CENPL: variants seen among roughly 807,000 people sequenced by gnomAD.
CENPL encodes centromere protein L.
CENPL carries 20 observed loss-of-function variants against 35.2 expected under a neutral mutation model. The ratio of observed to expected loss-of-function variants is 0.57; its 90% CI spans 0.40 to 0.83. The LOEUF (loss-of-function observed/expected upper bound fraction) is 0.83, where lower values mean the gene tolerates loss of function less well. CENPL is among the 40% of genes least tolerant of loss of function. The pLI is 0.00. For missense variants in CENPL, 363 were observed against 395.8 expected (o/e 0.92, Z 0.70); for synonymous variants, 140 against 140.6 (o/e 1.00, Z 0.03).
At chr1:173,801,913 C>T (rs1411508912) in intron 5 of CENPL, among the ~76,000 whole-genome samples, 1 of 151,676 alleles carries the variant, frequency 6.6e-6, no homozygotes, top group Non-Finnish European at 1.5e-5. Context: ...GTCCCAGCTA[C>T]TCAGGAGGCT....
rs560645237 is a variant in CENPL at position 173,802,278 on chromosome 1, T to A, written c.963+685A>T. On this transcript the variant is annotated intron_variant, in intron 5 of 5. Coordinates refer to ENST00000682279, the MANE Select transcript of CENPL (RefSeq NM_001387287.1). ...TGGAGTGCAGTGGCGCGATCTCGGC[T>A]CACTACAAGCTCCGCCTCTCGGGTT... is the stretch of plus-strand genomic sequence containing the variant. 5.3e-4 allele frequency among the ~76,000 whole-genome samples: 81 copies of A among 152,084 alleles called. 1 individual carries two copies. The highest frequency in any genetic ancestry group is 1.9e-3 in the African/African-American group (79 of 41,520).
chr1:173,806,387 AC>A (rs1054334551), intron 4 of CENPL: 7 of 410,688 alleles, frequency 1.7e-5, no homozygotes, highest in Admixed American at 5.2e-5. Context: ...GGAGTTCAAG[AC>A]CAACCTGGGC....
chr1:173,800,275 T>C lies in CENPL; in HGVS notation c.*173A>G, dbSNP rs1194156881. 4.1e-6 allele frequency: 2 copies of C among 488,894 alleles called. No individual in the cohort carries two copies. The highest frequency in any genetic ancestry group is 7.5e-5 in the Admixed American group (2 of 26,838). 30.3% of individuals were successfully genotyped at this position (488,894 alleles called of 1,614,324 possible). A position where few individuals can be genotyped will look rare whatever the true frequency, so the allele number is the denominator to read the frequency against. ...TGGCTGTGGCTCATCTACTACCATA[T>C]TCTTTGTTCTTCTAGATCCTTCTTG... On this transcript the variant is annotated 3_prime_UTR_variant, in exon 6 of 6. Transcript: ENST00000682279.
At position 173,806,580 on chromosome 1, in the gene CENPL, T is replaced by C. The variant is rs185035344; in HGVS notation, c.420+687A>G. 7 of 298,066 alleles carry C rather than the reference T, an allele frequency of 2.3e-5. No individual in the cohort carries two copies. In the Admixed American group the frequency reaches 3.2e-4, roughly 14 times the overall value. The allele number at this position is 298,066 out of a possible 1,614,324, so 18.5% of individuals were successfully genotyped here. ...GCCTGGGTGACAAAATGAGACCCTGTCTCAAAAAAATAAAATAAAATAAAA... is the reference window on the plus strand; with the variant it reads ...GCCTGGGTGACAAAATGAGACCCTGCCTCAAAAAAATAAAATAAAATAAAA... On this transcript the variant is annotated intron_variant, in intron 4 of 5. Transcript: ENST00000682279.
chr1:173,804,330 T>TC (rs904783919), intron 4 of CENPL, among the ~76,000 whole-genome samples: 4 of 152,256 alleles, frequency 2.6e-5, no homozygotes, highest in Non-Finnish European at 5.9e-5. Context: ...TATTTGATGG[T>TC]CCCCATCATA....
At chr1:173,820,240 G>C (rs145512399) in intron 2 of CENPL, among the ~76,000 whole-genome samples, 300 of 152,116 alleles carry the variant, frequency 2.0e-3, no homozygotes, top group Non-Finnish European at 3.4e-3. Flanking sequence ...TCAGACTTCA[G>C]ATTTAACCTG....
intron 3 of CENPL, among the ~76,000 whole-genome samples, chr1:173,810,345 C>T (rs987449235): frequency 2.0e-5 from 3 of 151,900 alleles, no homozygotes; most frequent in African/African-American, 4.8e-5. Context: ...GAACAACACA[C>T]GCTTAGGCCT....
At position 173,799,557 on chromosome 1, in the gene CENPL, T is replaced by A. The variant is rs1273007451; in HGVS notation, c.*891A>T. The A allele has an allele frequency of 6.6e-6, 1 of 152,236 alleles. No individual in the cohort carries two copies. Among genetic ancestry groups the A allele is most frequent in the Non-Finnish European group, 1.5e-5 (1 of 68,038 alleles). 9.4% of individuals were successfully genotyped at this position (152,236 alleles called of 1,614,324 possible). A position where few individuals can be genotyped will look rare whatever the true frequency, so the allele number is the denominator to read the frequency against. On this transcript the variant is annotated 3_prime_UTR_variant, in exon 6 of 6. Coordinates refer to ENST00000682279, the MANE Select transcript of CENPL (RefSeq NM_001387287.1). The stretch of plus-strand genomic sequence containing the variant: ...CATTGATAAACACATTGCTTCATTT[T>A]AAAATAAACATTTAATTCAACATTG...
intron 4 of CENPL, chr1:173,806,395 G>A (rs1200178646): frequency 4.7e-6 from 2 of 421,342 alleles, no homozygotes; most frequent in Non-Finnish European, 9.5e-6. Flanking sequence ...AGACCAACCT[G>A]GGCAACATGG....
At chr1:173,803,582 A>G (rs1649953871) in intron 4 of CENPL, 77 bp from the exon 5 acceptor site, 1 of 1,340,206 alleles carries the variant, frequency 7.5e-7, no homozygotes, top group Non-Finnish European at 1.0e-6. Context: ...AAATTAGTTC[A>G]TTAAAAATAA....
At chr1:173,805,427 A>G (rs1256992205) in intron 4 of CENPL, among the ~76,000 whole-genome samples, 1 of 151,520 alleles carries the variant, frequency 6.6e-6, no homozygotes, top group African/African-American at 2.4e-5. Flanking sequence ...AGGAGGGAGG[A>G]CTACTTGAAC....
intron 2 of CENPL, among the ~76,000 whole-genome samples, chr1:173,819,419 C>T (rs756522897): frequency 8.6e-5 from 13 of 151,780 alleles, no homozygotes; most frequent in East Asian, 1.9e-4. Context: ...GGTGAAACTC[C>T]GTCTCTACTA....
chr1:173,803,362 T>C lies in CENPL; in HGVS notation c.564A>G (p.Gly188=). ...CAATTATTGCTGTGTTAGACTCTGC[T>C]CCATTTGCAAGGAATAAGGGCAGAC... ...FTCLPLFLAN[G]AESNTAIIGT... is the part of the protein sequence containing the mutation. The change falls in exon 5 of 6, where the codon GGA becomes GGG. Residue 188 remains glycine, a synonymous_variant. Transcript: ENST00000682279. 1 of 1,614,040 alleles carries C rather than the reference T, an allele frequency of 6.2e-7. No homozygotes were observed. The highest frequency in any genetic ancestry group is 8.5e-7 in the Non-Finnish European group (1 of 1,179,918).
At chr1:173,818,937 A>G (rs1197212697) in intron 2 of CENPL, among the ~76,000 whole-genome samples, 1 of 152,236 alleles carries the variant, frequency 6.6e-6, no homozygotes, top group Non-Finnish European at 1.5e-5. Context: ...AGTATTTCAT[A>G]GAACTTCCAA....
intron 3 of CENPL, among the ~76,000 whole-genome samples, chr1:173,809,186 CA>C (rs1409594299): frequency 6.6e-6 from 1 of 151,912 alleles, no homozygotes; most frequent in Non-Finnish European, 1.5e-5. Flanking sequence ...ACTAACAATA[CA>C]AAAAAATTAG....
At chr1:173,806,487 G>A in intron 4 of CENPL, 1 of 444,048 alleles carries the variant, frequency 2.3e-6, no homozygotes, top group Non-Finnish European at 4.5e-6. Context: ...GGAAGGCTAA[G>A]GTGGAAGGAT....
chr1:173,813,738 T>C (rs1405717564), intron 2 of CENPL, among the ~76,000 whole-genome samples: 1 of 152,026 alleles, frequency 6.6e-6, no homozygotes, highest in African/African-American at 2.4e-5. Context: ...ATTGTAAAGA[T>C]CATCAATGCT....
chr1:173,817,975 C>T (rs1261116232), intron 2 of CENPL, among the ~76,000 whole-genome samples: 2 of 151,794 alleles, frequency 1.3e-5, no homozygotes, highest in Non-Finnish European at 2.9e-5. Flanking sequence ...GGACACAGGG[C>T]GGGGAATATC....
At chr1:173,809,189 A>G (rs536746723) in intron 3 of CENPL, among the ~76,000 whole-genome samples, 7 of 152,118 alleles carry the variant, frequency 4.6e-5, no homozygotes, top group Admixed American at 6.5e-5. Flanking sequence ...AACAATACAA[A>G]AAAATTAGCT....
Sources: gnomAD v4.1 joint callset for allele counts (sites outside exome capture counted in the v4.1 genomes callset) on GRCh38, gnomAD v4.1.1 for gene constraint, MANE v1.5 for transcripts, NCBI Gene and HGNC (gene_info 2026-07-23, HGNC 2026-07-21) for gene names.